The following FAM167A variants were observed in gnomAD, a reference collection of about 807,000 sequenced individuals.
FAM167A encodes protein FAM167A.
In FAM167A, 23 loss-of-function variants were observed where a neutral mutation model predicts 14.9. The ratio of observed to expected loss-of-function variants is 1.55; its 90% CI spans 1.11 to 2.19. FAM167A has a LOEUF of 2.19. Among genes scored for constraint, FAM167A ranks in the 30% most tolerant of loss-of-function variants. The pLI is 0.00. For missense variants in FAM167A, 401 were observed against 281.5 expected, an observed-to-expected ratio of 1.42 and a Z score of -3.04; for synonymous variants, 174 against 117.7, an observed-to-expected ratio of 1.48 and a Z score of -3.10.
At chr8:11,433,056 G>A (rs1485185037) in intron 2 of FAM167A, among the ~76,000 whole-genome samples, 2 of 152,116 alleles carry the variant, frequency 1.3e-5, no homozygotes, top group South Asian at 2.1e-4. Context: ...ACATACCCGG[G>A]CCTGTTGGGG....
chr8:11,462,262 C>T lies in FAM167A; in HGVS notation c.-398+4364G>A, dbSNP rs79045072. ...CAGGGCAGAGCCGGGTGTCGGGGGA[C>T]GTGGGTTGGTTGACAGCCAGCCTGC... On this transcript the variant is annotated intron_variant, in intron 1 of 2. Transcript: ENST00000284486. Among the ~76,000 whole-genome samples the T allele has an allele frequency of 2.6e-5, 4 of 152,240 alleles. No homozygotes were observed. In the East Asian group the frequency reaches 5.8e-4, roughly 22 times the overall value.
intron 2 of FAM167A, among the ~76,000 whole-genome samples, chr8:11,429,543 C>G (rs1026726459): frequency 3.3e-5 from 5 of 152,216 alleles, no homozygotes; most frequent in African/African-American, 1.2e-4. Flanking sequence ...CATGTTTTCC[C>G]ACAACTCTAG....
At chr8:11,435,291 G>A (rs1001738141) in intron 2 of FAM167A, among the ~76,000 whole-genome samples, 13 of 152,114 alleles carry the variant, frequency 8.5e-5, no homozygotes, top group African/African-American at 3.1e-4. Context: ...CCCCATGGGC[G>A]CCTGCTACCA....
At chr8:11,464,383 G>A (rs1241363447) in intron 1 of FAM167A, among the ~76,000 whole-genome samples, 2 of 152,152 alleles carry the variant, frequency 1.3e-5, no homozygotes, top group Admixed American at 1.3e-4. Context: ...TGATTGCAGA[G>A]CCAGTGAGGC....
rs766964731 is a variant in FAM167A at position 11,444,030 on chromosome 8, C to T, written c.381+1G>A. On this transcript the variant is annotated splice_donor_variant, in intron 2 of 2. Coordinates refer to ENST00000284486, the MANE Select transcript of FAM167A (RefSeq NM_053279.3). LOFTEE classifies it high-confidence loss of function. ...GGGGATTCTTGGGGGCAGCCACTCA[C>T]CAGTTCCTTCCTGAGCCAGGCTATA... 6.2e-7 allele frequency: 1 copy of T among 1,609,758 alleles called. No homozygotes were observed. The highest frequency in any genetic ancestry group is 8.5e-7 in the Non-Finnish European group (1 of 1,177,812).
In FAM167A at chr8:11,444,283, C is replaced by A; in HGVS notation, c.129G>T (p.Arg43Ser). The A allele has an allele frequency of 6.2e-7, 1 of 1,611,926 alleles. No individual in the cohort carries two copies. Among genetic ancestry groups the A allele is most frequent in the South Asian group, 1.1e-5 (1 of 91,052 alleles). ...LTEKLRLETR[R>S]PSYLEWQARL... is the part of the protein sequence containing the mutation. ...TGGCCTGCCATTCCAGGTAGGAGGG[C>A]CTGCGGGTCTCCAGCCTCAGTTTCT... is the stretch of plus-strand genomic sequence containing the variant. The change falls in exon 2 of 3, where the codon AGG (arginine) becomes AGT (serine). Residue 43 changes from arginine (R) to serine (S), a missense_variant. Transcript: ENST00000284486.
At chr8:11,467,152 G>A (rs1807807673), upstream of FAM167A, among the ~76,000 whole-genome samples, 1 of 152,216 alleles carries the variant, frequency 6.6e-6, no homozygotes, top group African/African-American at 2.4e-5. Context: ...TAGGACCCGC[G>A]GCCACGACTG....
At chr8:11,465,381 G>A (rs1807721343) in intron 1 of FAM167A, among the ~76,000 whole-genome samples, 1 of 152,172 alleles carries the variant, frequency 6.6e-6, no homozygotes, top group Admixed American at 6.5e-5. Context: ...AGCCACACCA[G>A]GTCACTCAAT....
upstream of FAM167A, among the ~76,000 whole-genome samples, chr8:11,472,154 C>T (rs116558059): frequency 0.011 from 1,693 of 152,316 alleles, 33 homozygotes; most frequent in African/African-American, 0.037. Flanking sequence ...AAATGTCAGG[C>T]TGGGACTGAT....
upstream of FAM167A, among the ~76,000 whole-genome samples, chr8:11,471,065 G>A (rs145434983): frequency 7.8e-3 from 1,188 of 152,322 alleles, 11 homozygotes; most frequent in African/African-American, 0.027. Flanking sequence ...TTGGTAGGAA[G>A]ATAATTAACA....
chr8:11,460,934 C>T (rs1450927649), intron 1 of FAM167A, among the ~76,000 whole-genome samples: 1 of 152,230 alleles, frequency 6.6e-6, no homozygotes, highest in Non-Finnish European at 1.5e-5. Flanking sequence ...TGGGTCCATG[C>T]TGAATAATTG....
At chr8:11,473,578 G>T (rs974692472) in intron 1 of FAM167A, among the ~76,000 whole-genome samples, 4 of 152,138 alleles carry the variant, frequency 2.6e-5, no homozygotes, top group African/African-American at 9.7e-5. Context: ...CAAAAAGAAC[G>T]CACACCTTCT....
intron 1 of FAM167A, among the ~76,000 whole-genome samples, chr8:11,461,809 C>T (rs964241410): frequency 1.3e-5 from 2 of 152,266 alleles, no homozygotes; most frequent in African/African-American, 4.8e-5. Context: ...CTATTTTACT[C>T]TGCAGCACAA....
chr8:11,469,506 G>T (rs35667120), upstream of FAM167A, among the ~76,000 whole-genome samples: 1 of 152,008 alleles, frequency 6.6e-6, no homozygotes, highest in African/African-American at 2.4e-5. Context: ...TTTTCTTTCC[G>T]TTGGTGCATG....
chr8:11,454,989 A>G (rs1008493272), intron 1 of FAM167A, among the ~76,000 whole-genome samples: 15 of 150,888 alleles, frequency 9.9e-5, no homozygotes, highest in African/African-American at 3.1e-4. Flanking sequence ...CCTGGCGCTC[A>G]TCTCTTGCCT....
At chr8:11,452,387 G>A (rs1807062876) in intron 1 of FAM167A, among the ~76,000 whole-genome samples, 1 of 152,240 alleles carries the variant, frequency 6.6e-6, no homozygotes, top group Admixed American at 6.5e-5. Context: ...GGACATCAGG[G>A]CAAACAACTG....
intron 1 of FAM167A, chr8:11,446,701 A>G (rs1806799255): frequency 6.6e-6 from 1 of 152,244 alleles, no homozygotes; most frequent in Non-Finnish European, 1.5e-5. Context: ...CACTCTCTGA[A>G]GACTTAGCAC....
chr8:11,456,137 G>C (rs1426195943), intron 1 of FAM167A, among the ~76,000 whole-genome samples: 1 of 33,972 alleles, frequency 2.9e-5, no homozygotes, highest in Non-Finnish European at 6.5e-5. Flanking sequence ...TTGCCTTGCT[G>C]TGTGTGTGTG....
intron 1 of FAM167A, among the ~76,000 whole-genome samples, chr8:11,462,526 A>G (rs539458140): frequency 6.6e-6 from 1 of 152,332 alleles, no homozygotes; most frequent in South Asian, 2.1e-4. Context: ...GCACTGCGAA[A>G]GTTAACTGAA....
Sources: allele counts gnomAD v4.1 joint callset (sites outside exome capture counted in the v4.1 genomes callset), GRCh38; gene constraint gnomAD v4.1.1; transcripts MANE v1.5; gene names NCBI Gene and HGNC (gene_info 2026-07-23, HGNC 2026-07-21).